Variants in ZNF487 observed in about 807,000 individuals in gnomAD.
The protein encoded by ZNF487 is zinc finger protein 487.
A neutral mutation model predicts 3.0 loss-of-function variants in ZNF487; 4 were observed. That is an observed-to-expected ratio of 1.35 (90% CI 0.66 to 3.08). The LOEUF (loss-of-function observed/expected upper bound fraction) is 3.08. Among genes scored for constraint, ZNF487 ranks in the 30% most tolerant of loss-of-function variants. The pLI, the probability that ZNF487 is intolerant of heterozygous loss-of-function variation, is 0.01. For missense variants in ZNF487, 146 were observed against 98.7 expected (o/e 1.48, Z -2.03); for synonymous variants, 55 against 34.6 (o/e 1.59, Z -2.06).
At chr10:43,468,388 A>T (rs921840446) in intron 1 of ZNF487, among the ~76,000 whole-genome samples, 1 of 152,116 alleles carries the variant, frequency 6.6e-6, no homozygotes, top group Admixed American at 6.6e-5. Flanking sequence ...CTTTCGTGAA[A>T]GGAAGAGCCG....
In ZNF487 at chr10:43,479,464, A is replaced by G. The variant is rs78441781; in HGVS notation, c.131-1965A>G. ...ATGTCCAACTGTGGTAAAATAAACT[A>G]AAATAGAAAAGAATGATGGAATTGC... On this transcript the variant is annotated intron_variant, in intron 3 of 3. Coordinates refer to ENST00000437590, the MANE Select transcript of ZNF487 (RefSeq NM_001355444.3). Among the ~76,000 whole-genome samples, 17 of 152,312 alleles carry G rather than the reference A, an allele frequency of 1.1e-4. No individual in the cohort carries two copies. In the East Asian group the frequency reaches 3.1e-3, roughly 28 times the overall value.
chr10:43,482,981 C>G lies in ZNF487; in HGVS notation c.*1059C>G, dbSNP rs374275934. On this transcript the variant is annotated 3_prime_UTR_variant, in exon 4 of 4. Transcript: ENST00000437590. ...CCCTCACAACACATCAGAGAACACA[C>G]ACAAGGGAGCAACCCTATGAATATA... The G allele has an allele frequency of 5.8e-6, 3 of 513,852 alleles. No individual in the cohort carries two copies. Among genetic ancestry groups the G allele is most frequent in the South Asian group, 4.3e-5 (3 of 69,670 alleles). The allele number at this position is 513,852 out of a possible 1,614,324, so 31.8% of individuals were successfully genotyped here. A position where few individuals can be genotyped will look rare whatever the true frequency, so the allele number is the denominator to read the frequency against.
chr10:43,516,958 A>G, the ZNF487 span, among the ~76,000 whole-genome samples: 1 of 152,248 alleles, frequency 6.6e-6, no homozygotes, highest in Non-Finnish European at 1.5e-5. Context: ...GGGACACAGT[A>G]TGCCTCTACC....
the ZNF487 span, among the ~76,000 whole-genome samples, chr10:43,498,093 A>ATTT: frequency 1.5e-4 from 2 of 13,268 alleles, no homozygotes; most frequent in African/African-American, 2.8e-4. Context: ...ATATATATAT[A>ATTT]TATATATTTT....
the ZNF487 span, among the ~76,000 whole-genome samples, chr10:43,510,276 T>C: frequency 6.6e-6 from 1 of 152,192 alleles, no homozygotes; most frequent in Non-Finnish European, 1.5e-5. Context: ...CCCTTTGCCT[T>C]CAGCAAGCAC....
At chr10:43,467,168 C>G (rs1172893166) in intron 1 of ZNF487, among the ~76,000 whole-genome samples, 2 of 152,006 alleles carry the variant, frequency 1.3e-5, no homozygotes, top group Non-Finnish European at 2.9e-5. Context: ...AGCCGCCGCA[C>G]CCGGCCAAGG....
intron 1 of ZNF487, among the ~76,000 whole-genome samples, chr10:43,472,613 T>G (rs899619614): frequency 6.6e-6 from 1 of 152,082 alleles, no homozygotes; most frequent in African/African-American, 2.4e-5. Context: ...CATCTACATT[T>G]TTCACTGAGT....
rs1347801641 is a variant in ZNF487 at position 43,462,420 on chromosome 10, T to C, written c.-93-13301T>C. Among the ~76,000 whole-genome samples, 3 of 152,062 alleles carry C rather than the reference T, an allele frequency of 2.0e-5. No individual in the cohort carries two copies. The East Asian group carries it at 5.8e-4, about 29-fold the overall frequency. ...TTTTCTTTTTTTAACAATTAAAAGT[T>C]TGTGGAAACCCGGCATTGAGCAAAT... is the stretch of plus-strand genomic sequence containing the variant. On this transcript the variant is annotated intron_variant, in intron 1 of 3. Coordinates refer to ENST00000437590, the MANE Select transcript of ZNF487 (RefSeq NM_001355444.3).
At chr10:43,490,030 A>C in the ZNF487 span, among the ~76,000 whole-genome samples, 67 of 152,338 alleles carry the variant, frequency 4.4e-4, no homozygotes, top group African/African-American at 1.3e-3. Context: ...ACTCATATTA[A>C]TATAAAGACA....
the ZNF487 span, among the ~76,000 whole-genome samples, chr10:43,499,628 G>C: frequency 1.3e-5 from 2 of 152,140 alleles, no homozygotes; most frequent in East Asian, 3.9e-4. Context: ...CCATGCATCT[G>C]TAGCCCCATC....
At chr10:43,455,798 G>T (rs1360010351) in intron 1 of ZNF487, among the ~76,000 whole-genome samples, 1 of 152,254 alleles carries the variant, frequency 6.6e-6, no homozygotes, top group Non-Finnish European at 1.5e-5. Flanking sequence ...AGCGCGCCAG[G>T]CTGGCAGCCG....
chr10:43,483,045 CAGAG>C lies in ZNF487; in HGVS notation c.*1127_*1130del, dbSNP rs1274819094. 2.2e-6 allele frequency: 1 copy of C among 463,130 alleles called. No individual in the cohort carries two copies. The highest frequency in any genetic ancestry group is 4.3e-6 in the Non-Finnish European group (1 of 230,004). The allele number at this position is 463,130 out of a possible 1,614,324, so 28.7% of individuals were successfully genotyped here. ...CCAGAATCCCAACTTCACTAAATGT[CAGAG>C]AGACAACATAGAGGAAACCCTTGTC... is the stretch of plus-strand genomic sequence containing the variant. On this transcript the variant is annotated 3_prime_UTR_variant, in exon 4 of 4. Coordinates refer to ENST00000437590, the MANE Select transcript of ZNF487 (RefSeq NM_001355444.3).
chr10:43,501,293 G>C, the ZNF487 span, among the ~76,000 whole-genome samples: 1 of 152,120 alleles, frequency 6.6e-6, no homozygotes. Context: ...TGAGTCAGTG[G>C]GTGAGTGGTG....
At chr10:43,442,746 G>A (rs1839663052) in intron 1 of ZNF487, among the ~76,000 whole-genome samples, 1 of 152,010 alleles carries the variant, frequency 6.6e-6, no homozygotes, top group Admixed American at 6.6e-5. Context: ...CCCAGCCCTG[G>A]AATTATTTTA....
At chr10:43,507,825 C>G in the ZNF487 span, among the ~76,000 whole-genome samples, 1 of 152,214 alleles carries the variant, frequency 6.6e-6, no homozygotes, top group South Asian at 2.1e-4. Flanking sequence ...CTGAACCTTT[C>G]CCTGTTCTCA....
chr10:43,466,181 A>AGAGAGGGAGATGGAGACCGTAGG (rs1554798610), intron 1 of ZNF487, among the ~76,000 whole-genome samples: 1 of 135,392 alleles, frequency 7.4e-6, no homozygotes, highest in African/African-American at 2.8e-5. Context: ...GACCGTGGAA[A>AGAGAGGGAGATGGAGACCGTAGG]GAGAGGGAGA....
chr10:43,473,084 G>A (rs1840962492), intron 1 of ZNF487, among the ~76,000 whole-genome samples: 1 of 145,702 alleles, frequency 6.9e-6, no homozygotes, highest in Non-Finnish European at 1.5e-5. Flanking sequence ...CTTTGTATAT[G>A]GTGACTTTAC....
intron 1 of ZNF487, among the ~76,000 whole-genome samples, chr10:43,448,024 C>G (rs372412449): frequency 8.2e-6 from 1 of 122,116 alleles, no homozygotes; most frequent in Non-Finnish European, 1.6e-5. Flanking sequence ...GAGTCTCACT[C>G]TGTCGCCCAG....
At chr10:43,510,512 G>A in the ZNF487 span, among the ~76,000 whole-genome samples, 2 of 152,032 alleles carry the variant, frequency 1.3e-5, no homozygotes, top group African/African-American at 4.8e-5. Context: ...TTGATAATCC[G>A]GGACAACCAT....
Sources: allele counts gnomAD v4.1 joint callset (sites outside exome capture counted in the v4.1 genomes callset), GRCh38; gene constraint gnomAD v4.1.1; transcripts MANE v1.5; gene names NCBI Gene and HGNC (gene_info 2026-07-23, HGNC 2026-07-21).